SHC2: variants seen among roughly 807,000 people sequenced by gnomAD.
The protein encoded by SHC2 is SHC-transforming protein 2.
In SHC2, 62 loss-of-function variants were observed where a neutral mutation model predicts 60.6. The observed-to-expected ratio is 1.02, with a 90% CI of 0.83 to 1.26. The LOEUF is 1.26. Ranked by LOEUF, SHC2 falls within the 50% of genes most tolerant of loss-of-function variation. The probability of loss-of-function intolerance (pLI) is 0.00; values close to 1 mark genes in which losing one functional copy is unlikely to be tolerated. For synonymous variants in SHC2, 375 were observed against 372.4 expected, an observed-to-expected ratio of 1.01 and a Z score of -0.08; for missense variants, 873 against 822.2, an observed-to-expected ratio of 1.06 and a Z score of -0.76.
Position 442,420 on chromosome 19 carries a change from CAGAT to C in SHC2, c.469-1492_469-1489del, listed in dbSNP as rs566370195. ...GTGGATGGGTGGATGGATGGATGGA[CAGAT>C]GGATGGATGGGCGGGTGGATGGATG... On this transcript the variant is annotated intron_variant, in intron 1 of 12. Coordinates refer to ENST00000264554, the MANE Select transcript of SHC2 (RefSeq NM_012435.3). Among the ~76,000 whole-genome samples, 368 of 83,100 alleles carry C rather than the reference CAGAT, an allele frequency of 4.4e-3. 2 individuals carry two copies. The highest frequency in any genetic ancestry group is 0.016 in the African/African-American group (334 of 20,586). 54.5% of individuals were successfully genotyped at this position (83,100 alleles called of 152,430 possible).
chr19:435,968 G>T, intron 7 of SHC2, 197 bp downstream of exon 7: 1 of 585,958 alleles, frequency 1.7e-6, no homozygotes. Flanking sequence ...AATCCTGGGG[G>T]GCAGGCGGGG....
Position 446,060 on chromosome 19 carries a change from A to T in SHC2, c.469-5128T>A, listed in dbSNP as rs1448024149. On this transcript the variant is annotated intron_variant, in intron 1 of 12. Coordinates refer to ENST00000264554, the MANE Select transcript of SHC2 (RefSeq NM_012435.3). This position sits in a 1 kb window ranked among gnomAD's most constrained non-coding sequence, Gnocchi z 5.4. ...ACAGAGGGAGAGTCTGTCTCAAAAT[A>T]AAAAAAAAAAAAGACAAGCACAGAG... Among the ~76,000 whole-genome samples the T allele has an allele frequency of 7.1e-6, 1 of 141,482 alleles. No homozygotes were observed. The highest frequency in any genetic ancestry group is 2.0e-4 in the East Asian group (1 of 4,958). 92.8% of individuals were successfully genotyped at this position (141,482 alleles called of 152,430 possible).
Position 453,731 on chromosome 19 carries a change from C to T in SHC2, c.468+6798G>A, listed in dbSNP as rs117556916. Among the ~76,000 whole-genome samples, 1,854 of 152,296 alleles carry T rather than the reference C, an allele frequency of 0.012. 21 individuals carry two copies. The highest frequency in any genetic ancestry group is 0.017 in the Non-Finnish European group (1,158 of 68,032). On this transcript the variant is annotated intron_variant, in intron 1 of 12. Coordinates refer to ENST00000264554, the MANE Select transcript of SHC2 (RefSeq NM_012435.3). This position sits in a 1 kb window ranked among gnomAD's most constrained non-coding sequence, Gnocchi z 6.3. ...CGCACCTCCCAGCTTAAGGGACCCG[C>T]GATGCAGGAAGGATGAAGTGTCATT...
chr19:442,767 GTGGATGGATGGA>G (rs1186043349), intron 1 of SHC2, among the ~76,000 whole-genome samples: 2 of 103,170 alleles, frequency 1.9e-5, no homozygotes, highest in Non-Finnish European at 3.9e-5. Context: ...GAGTGGATGG[GTGGATGGATGGA>G]TGGATGGGTG....
At chr19:419,109 G>A (rs1974215130) in intron 11 of SHC2, 53 bp from the exon 12 acceptor site, 2 of 1,523,150 alleles carry the variant, frequency 1.3e-6, no homozygotes, top group South Asian at 2.5e-5. Context: ...TGGACCCGTG[G>A]AGTAGGATAT....
chr19:419,842 C>T (rs144401202), intron 11 of SHC2: 1 of 152,362 alleles, frequency 6.6e-6, no homozygotes, highest in African/African-American at 2.4e-5. Context: ...CCAAGAGACC[C>T]TGTGTCCCAC....
intron 11 of SHC2, among the ~76,000 whole-genome samples, chr19:420,526 T>C (rs761611954): frequency 2.0e-5 from 3 of 152,150 alleles, no homozygotes; most frequent in African/African-American, 4.8e-5. Context: ...TCCTTGTAAA[T>C]TGGAAAATGC....
At position 446,187 on chromosome 19, in the gene SHC2, G is replaced by C. The variant is rs1387832996; in HGVS notation, c.469-5255C>G. 2.6e-5 allele frequency among the ~76,000 whole-genome samples: 4 copies of C among 152,316 alleles called. No individual in the cohort carries two copies. The highest frequency in any genetic ancestry group is 5.9e-5 in the Non-Finnish European group (4 of 68,034). On this transcript the variant is annotated intron_variant, in intron 1 of 12. Transcript: ENST00000264554. The surrounding 1 kb of genome is among the most constrained non-coding windows in gnomAD (Gnocchi z 5.4). Reference sequence around the variant, plus strand: ...AGACACGGGAGAGAGGCCTGGGACAGAGCCTCCCTCAGAGCCTCCAGCAGA... The same window carrying C: ...AGACACGGGAGAGAGGCCTGGGACACAGCCTCCCTCAGAGCCTCCAGCAGA...
At chr19:460,468 A>C in intron 1 of SHC2, 61 bp downstream of exon 1, 5 of 596,788 alleles carry the variant, frequency 8.4e-6, no homozygotes, top group Non-Finnish European at 7.7e-6. Flanking sequence ...GTCCCGGAGG[A>C]GAGGGTGGGG....
At position 459,693 on chromosome 19, in the gene SHC2, GAC is replaced by G. The variant is rs1975491686; in HGVS notation, c.468+834_468+835del. ...TGAACTCAGTGTCCAGAAAAGCAAA[GAC>G]ACAACCCAATGTGAACACAGGCTAA... On this transcript the variant is annotated intron_variant, in intron 1 of 12. Coordinates refer to ENST00000264554, the MANE Select transcript of SHC2 (RefSeq NM_012435.3). Among the ~76,000 whole-genome samples, 5 of 152,352 alleles carry G rather than the reference GAC, an allele frequency of 3.3e-5. No individual in the cohort carries two copies. In the South Asian group the frequency reaches 8.3e-4, roughly 25 times the overall value.
intron 11 of SHC2, among the ~76,000 whole-genome samples, chr19:421,567 A>G (rs73507717): frequency 0.032 from 4,933 of 152,220 alleles, 285 homozygotes; most frequent in African/African-American, 0.11. Flanking sequence ...ACCTGAAAAT[A>G]CCATATTTAT....
intron 1 of SHC2, among the ~76,000 whole-genome samples, chr19:450,795 A>C (rs1183765207): frequency 6.6e-6 from 1 of 151,382 alleles, no homozygotes; most frequent in Non-Finnish European, 1.5e-5. Flanking sequence ...CAGCATGTGG[A>C]TGGCCACGCC....
At chr19:423,178 T>TG (rs1242252646) in intron 10 of SHC2, among the ~76,000 whole-genome samples, 1 of 107,118 alleles carries the variant, frequency 9.3e-6, no homozygotes, top group Non-Finnish European at 2.0e-5. Context: ...CTCCTGGTCC[T>TG]GGGGGGTCCT....
Position 446,578 on chromosome 19 carries a change from T to C in SHC2, c.469-5646A>G, listed in dbSNP as rs1212297707. On this transcript the variant is annotated intron_variant, in intron 1 of 12. Coordinates refer to ENST00000264554, the MANE Select transcript of SHC2 (RefSeq NM_012435.3). The surrounding 1 kb of genome is among the most constrained non-coding windows in gnomAD (Gnocchi z 5.4). ...CCTCGGTCTCCCAAAGTGCTGGGAC[T>C]ACAGGCGTGAGTCACCGCGCCCGGC... is the stretch of plus-strand genomic sequence containing the variant. 6.6e-6 allele frequency among the ~76,000 whole-genome samples: 1 copy of C among 152,206 alleles called. No individual in the cohort carries two copies. Among genetic ancestry groups the C allele is most frequent in the African/African-American group, 2.4e-5 (1 of 41,446 alleles).
intron 1 of SHC2, among the ~76,000 whole-genome samples, chr19:458,990 C>T (rs921771530): frequency 2.0e-5 from 3 of 152,104 alleles, no homozygotes; most frequent in Non-Finnish European, 2.9e-5. Context: ...TTGAGGCCCC[C>T]ACCTCTGCCT....
Position 422,994 on chromosome 19 carries a change from G to T in SHC2, c.1310-538C>A, listed in dbSNP as rs1974321192. Among the ~76,000 whole-genome samples, 1 of 152,194 alleles carries T rather than the reference G, an allele frequency of 6.6e-6. No individual in the cohort carries two copies. ...GTCAGTCCCCTCATTGTCAAACAGGGGTGGGCGTGTCCCCAGGCAGAAAGC... is the reference window on the plus strand; with the variant it reads ...GTCAGTCCCCTCATTGTCAAACAGGTGTGGGCGTGTCCCCAGGCAGAAAGC... On this transcript the variant is annotated intron_variant, in intron 10 of 12. Coordinates refer to ENST00000264554, the MANE Select transcript of SHC2 (RefSeq NM_012435.3). This position sits in a 1 kb window ranked among gnomAD's most constrained non-coding sequence, Gnocchi z 5.0.
At chr19:447,600 G>A (rs1340836306) in intron 1 of SHC2, among the ~76,000 whole-genome samples, 1 of 152,144 alleles carries the variant, frequency 6.6e-6, no homozygotes, top group African/African-American at 2.4e-5. Flanking sequence ...CCAACATGGT[G>A]AAACCCCGTC....
At chr19:436,602 G>T in intron 5 of SHC2, 28 bp downstream of exon 5, 1 of 1,598,604 alleles carries the variant, frequency 6.3e-7, no homozygotes. Flanking sequence ...CGGCAGGGCT[G>T]CAGGTCCACC....
Position 438,854 on chromosome 19 carries a change from G to T in SHC2, c.601-17C>A. 1 of 1,560,148 alleles carries T rather than the reference G, an allele frequency of 6.4e-7. No individual in the cohort carries two copies. Among genetic ancestry groups the T allele is most frequent in the Non-Finnish European group, 8.7e-7 (1 of 1,153,076 alleles). The stretch of plus-strand genomic sequence containing the variant: ...GTTGGGGGCCTGAGTTGGGGGCGGA[G>T]CACAGCGAGGGCGGCTGTGGGTGGG... On this transcript the variant is annotated splice_polypyrimidine_tract_variant and intron_variant, in intron 3 of 12. Transcript: ENST00000264554. This position sits in a 1 kb window ranked among gnomAD's most constrained non-coding sequence, Gnocchi z 5.0.
Sources: allele counts gnomAD v4.1 joint callset (sites outside exome capture counted in the v4.1 genomes callset), GRCh38; gene constraint gnomAD v4.1.1; non-coding constraint Gnocchi (gnomAD v3.1); transcripts MANE v1.5; gene names NCBI Gene and HGNC (gene_info 2026-07-23, HGNC 2026-07-21).